The following PCDH15 variants were observed in gnomAD, a reference collection of about 807,000 sequenced individuals.
The protein encoded by PCDH15 is protocadherin-15.
A neutral mutation model predicts 178.5 loss-of-function variants in PCDH15; 129 were observed. The observed-to-expected ratio is 0.72, with a 90% CI of 0.63 to 0.84. The LOEUF is 0.84. Among genes scored for constraint, PCDH15 ranks in the 40% least tolerant of loss-of-function variants. The pLI, the probability that PCDH15 is intolerant of heterozygous loss-of-function variation, is 0.00. For synonymous variants in PCDH15, 800 were observed against 732.0 expected, an observed-to-expected ratio of 1.09 and a Z score of -1.50; for missense variants, 2,230 against 2,099.9, an observed-to-expected ratio of 1.06 and a Z score of -1.21.
intron 17 of PCDH15, among the ~76,000 whole-genome samples, chr10:54,076,859 C>T (rs912565290): frequency 1.3e-5 from 2 of 152,044 alleles, no homozygotes; most frequent in Non-Finnish European, 2.9e-5. Context: ...TTGTTTCACA[C>T]AAATTGCTTG....
intron 2 of PCDH15, among the ~76,000 whole-genome samples, chr10:55,345,915 T>C (rs1844742489): frequency 6.6e-6 from 1 of 152,098 alleles, no homozygotes; most frequent in Non-Finnish European, 1.5e-5. Flanking sequence ...CTGTTTATTG[T>C]GGATATTAAC....
chr10:53,902,552 C>T (rs1245303997), intron 26 of PCDH15, among the ~76,000 whole-genome samples: 1 of 152,028 alleles, frequency 6.6e-6, no homozygotes, highest in Non-Finnish European at 1.5e-5. Flanking sequence ...CAGTAAAATT[C>T]AATCTTTAAA....
At chr10:55,119,036 C>T (rs1837698385) in intron 2 of PCDH15, among the ~76,000 whole-genome samples, 1 of 152,112 alleles carries the variant, frequency 6.6e-6, no homozygotes, top group Admixed American at 6.5e-5. Context: ...TCTCATGGGC[C>T]CTGCACCTGG....
intron 1 of PCDH15, among the ~76,000 whole-genome samples, chr10:54,752,858 C>T (rs1946538880): frequency 6.6e-6 from 1 of 152,008 alleles, no homozygotes; most frequent in Non-Finnish European, 1.5e-5. Flanking sequence ...CATAGTGTGG[C>T]CATCTAAAAC....
chr10:55,302,826 C>G (rs1005512160), intron 1 of PCDH15, among the ~76,000 whole-genome samples: 3 of 152,056 alleles, frequency 2.0e-5, no homozygotes, highest in African/African-American at 7.2e-5. Context: ...TTAATCCATA[C>G]TAAATCTTCA....
chr10:54,624,550 A>G (rs1401252528), intron 2 of PCDH15, among the ~76,000 whole-genome samples: 1 of 152,208 alleles, frequency 6.6e-6, no homozygotes, highest in Non-Finnish European at 1.5e-5. Flanking sequence ...AAGGCTGTTT[A>G]AATGCTGGAA....
chr10:54,797,662 T>C (rs151123860), intron 1 of PCDH15, among the ~76,000 whole-genome samples: 3 of 152,202 alleles, frequency 2.0e-5, no homozygotes, highest in Middle Eastern at 3.4e-3. Flanking sequence ...ATAAGTTATG[T>C]ATTTTAAATG....
At chr10:53,963,956 G>C (rs1014584917) in intron 21 of PCDH15, among the ~76,000 whole-genome samples, 8 of 152,138 alleles carry the variant, frequency 5.3e-5, no homozygotes, top group Non-Finnish European at 7.3e-5. Context: ...AAAGTTGTTA[G>C]TAAGGGCAAT....
At chr10:55,135,608 A>C (rs1423063272) in intron 2 of PCDH15, among the ~76,000 whole-genome samples, 3 of 100,832 alleles carry the variant, frequency 3.0e-5, no homozygotes, top group Non-Finnish European at 5.4e-5. Flanking sequence ...TTTGAGACAG[A>C]GTCTTGCTCT....
chr10:54,486,038 G>A (rs1266355929), intron 3 of PCDH15, among the ~76,000 whole-genome samples: 1 of 152,036 alleles, frequency 6.6e-6, no homozygotes, highest in Non-Finnish European at 1.5e-5. Context: ...GGAGTTTGCT[G>A]ACTTTTATCT....
At chr10:55,229,473 G>T (rs1841149798) in intron 1 of PCDH15, among the ~76,000 whole-genome samples, 3 of 151,732 alleles carry the variant, frequency 2.0e-5, no homozygotes, top group Middle Eastern at 6.8e-3. Context: ...AATGTAAATT[G>T]CAAATTTCTC....
chr10:55,569,345 A>C (rs1212863397), intron 2 of PCDH15, among the ~76,000 whole-genome samples: 1 of 152,002 alleles, frequency 6.6e-6, no homozygotes, highest in Non-Finnish European at 1.5e-5. Flanking sequence ...ATAAACCTTT[A>C]GCTTTCCAGG....
chr10:55,405,684 C>G (rs535465223), intron 2 of PCDH15, among the ~76,000 whole-genome samples: 20 of 151,752 alleles, frequency 1.3e-4, no homozygotes, highest in African/African-American at 4.6e-4. Context: ...ATATAAGAAA[C>G]TTTATTTATA....
intron 1 of PCDH15, among the ~76,000 whole-genome samples, chr10:55,204,381 T>C (rs747375191): frequency 5.5e-4 from 83 of 151,598 alleles, no homozygotes; most frequent in Non-Finnish European, 1.1e-3. Flanking sequence ...CGTGTATATA[T>C]ACATATAATG....
intron 11 of PCDH15, among the ~76,000 whole-genome samples, chr10:54,194,650 C>A (rs200348371): frequency 5.4e-5 from 8 of 147,884 alleles, no homozygotes; most frequent in African/African-American, 2.0e-4. Context: ...GTGTATATAT[C>A]TCTATCTATC....
intron 2 of PCDH15, among the ~76,000 whole-genome samples, chr10:55,150,119 AAGAGG>A (rs1419128471): frequency 1.3e-5 from 2 of 151,600 alleles, no homozygotes; most frequent in Non-Finnish European, 2.9e-5. Flanking sequence ...GAGAGAAGAG[AAGAGG>A]AGAGAAGACA....
At chr10:54,259,871 A>G (rs2057185187) in intron 8 of PCDH15, among the ~76,000 whole-genome samples, 1 of 152,208 alleles carries the variant, frequency 6.6e-6, no homozygotes, top group Non-Finnish European at 1.5e-5. Context: ...AAAGATAAAG[A>G]AAATACTAGT....
chr10:53,941,661 T>C (rs967251498), intron 23 of PCDH15, among the ~76,000 whole-genome samples: 2 of 152,184 alleles, frequency 1.3e-5, no homozygotes, highest in East Asian at 3.9e-4. Flanking sequence ...AGATTTCAAC[T>C]CTTCTGGGTA....
At chr10:54,863,486 G>A (rs1343388766) in intron 3 of PCDH15, among the ~76,000 whole-genome samples, 1 of 152,176 alleles carries the variant, frequency 6.6e-6, no homozygotes, top group South Asian at 2.1e-4. Context: ...AGCTTGCAGC[G>A]AGCCGAGATC....
Sources: gnomAD v4.1 joint callset for allele counts (sites outside exome capture counted in the v4.1 genomes callset) on GRCh38, gnomAD v4.1.1 for gene constraint, MANE v1.5 for transcripts, NCBI Gene and HGNC (gene_info 2026-07-23, HGNC 2026-07-21) for gene names.